The following AFAP1L1 variants were observed in gnomAD, a reference collection of about 807,000 sequenced individuals.
AFAP1L1 encodes the protein actin filament-associated protein 1-like 1.
Under a neutral mutation model 99.8 loss-of-function variants are expected in AFAP1L1, and 77 were observed. The observed-to-expected ratio is 0.77, with a 90% CI of 0.64 to 0.93. AFAP1L1 has a LOEUF of 0.93. Among genes scored for constraint, AFAP1L1 ranks in the 40% least tolerant of loss-of-function variants. The probability of loss-of-function intolerance (pLI) is 0.00; values close to 1 mark genes in which losing one functional copy is unlikely to be tolerated. For synonymous variants in AFAP1L1, 373 were observed against 395.3 expected (o/e 0.94, Z 0.67); for missense variants, 893 against 996.8 (o/e 0.90, Z 1.40).
At position 149,278,426 on chromosome 5, in the gene AFAP1L1, G is replaced by C. The variant is rs1475806040; in HGVS notation, c.16+6442G>C. Among the ~76,000 whole-genome samples the C allele has an allele frequency of 2.0e-5, 3 of 152,150 alleles. No individual in the cohort carries two copies. The East Asian group carries it at 5.8e-4, about 29-fold the overall frequency. On this transcript the variant is annotated intron_variant, in intron 1 of 18. Coordinates refer to ENST00000296721, the MANE Select transcript of AFAP1L1 (RefSeq NM_152406.4). ...ATCAAATCCCATCTCCTGGCCTGTA[G>C]CTCTGTTGATTGAGCCTCTACTCCT...
intron 1 of AFAP1L1, among the ~76,000 whole-genome samples, chr5:149,275,494 T>G (rs1329389968): frequency 6.6e-6 from 1 of 151,818 alleles, no homozygotes; most frequent in African/African-American, 2.4e-5. Flanking sequence ...TCTTCCTTCT[T>G]TCCTCTTTCT....
rs908409810 is a variant in AFAP1L1 at position 149,276,569 on chromosome 5, A to G, written c.16+4585A>G. 1.9e-4 allele frequency: 29 copies of G among 152,368 alleles called. 1 individual carries two copies. Among genetic ancestry groups the G allele is most frequent in the East Asian group, 9.6e-4 (5 of 5,186 alleles). 9.4% of individuals were successfully genotyped at this position (152,368 alleles called of 1,614,324 possible). A position where few individuals can be genotyped will look rare whatever the true frequency, so the allele number is the denominator to read the frequency against. Reference sequence around the variant, plus strand: ...CCCGCAGATGAGGATAAATTATGATACTGATAGCACCTACTTCTTGGATTT... The same window carrying G: ...CCCGCAGATGAGGATAAATTATGATGCTGATAGCACCTACTTCTTGGATTT... On this transcript the variant is annotated intron_variant, in intron 1 of 18. Coordinates refer to ENST00000296721, the MANE Select transcript of AFAP1L1 (RefSeq NM_152406.4).
intron 1 of AFAP1L1, among the ~76,000 whole-genome samples, chr5:149,288,202 A>G (rs1755743410): frequency 6.6e-6 from 1 of 152,166 alleles, no homozygotes; most frequent in South Asian, 2.1e-4. Flanking sequence ...GGTAGGAGAC[A>G]CCTATGAAAA....
intron 1 of AFAP1L1, among the ~76,000 whole-genome samples, chr5:149,297,516 C>T (rs1375595473): frequency 6.6e-6 from 1 of 152,210 alleles, no homozygotes; most frequent in African/African-American, 2.4e-5. Context: ...CAGAAAGCCC[C>T]TCCCTCAGTG....
chr5:149,290,771 T>C (rs1755826963), intron 1 of AFAP1L1, among the ~76,000 whole-genome samples: 1 of 152,206 alleles, frequency 6.6e-6, no homozygotes, highest in African/African-American at 2.4e-5. Context: ...TGAGCCACTA[T>C]AAGGCCAGAC....
In AFAP1L1 at chr5:149,342,745, C is replaced by T. The variant is rs1757592136; in HGVS notation, c.*2715C>T. On this transcript the variant is annotated 3_prime_UTR_variant, in exon 19 of 19. Coordinates refer to ENST00000296721, the MANE Select transcript of AFAP1L1 (RefSeq NM_152406.4). ...TGGCCAACATGGCAAAACCCCATCT[C>T]TATCAAAAATACAAAAGTTAGCTGG... Among the ~76,000 whole-genome samples the T allele has an allele frequency of 6.6e-6, 1 of 152,174 alleles. No homozygotes were observed. The highest frequency in any genetic ancestry group is 1.5e-5 in the Non-Finnish European group (1 of 68,040).
chr5:149,299,436 T>TG, intron 1 of AFAP1L1, 73 bp from the exon 2 acceptor site: 1 of 1,582,804 alleles, frequency 6.3e-7, no homozygotes, highest in South Asian at 1.1e-5. Context: ...CTCTAGGTGG[T>TG]GGGGGGCCGA....
chr5:149,322,592 C>G lies in AFAP1L1; in HGVS notation c.1699-14C>G, dbSNP rs775162959. On this transcript the variant is annotated splice_polypyrimidine_tract_variant and intron_variant, in intron 14 of 18. Transcript: ENST00000296721. ...CCTGCCTGAACTTGACTGTCTTCCTCCATCTCCCACCAGGACGAGGAGCCC... is the reference window on the plus strand; with the variant it reads ...CCTGCCTGAACTTGACTGTCTTCCTGCATCTCCCACCAGGACGAGGAGCCC... 2 of 1,555,734 alleles carry G rather than the reference C, an allele frequency of 1.3e-6. No individual in the cohort carries two copies. Among genetic ancestry groups the G allele is most frequent in the Non-Finnish European group, 1.7e-6 (2 of 1,147,992 alleles).
intron 1 of AFAP1L1, among the ~76,000 whole-genome samples, chr5:149,283,866 C>A (rs1755597538): frequency 6.6e-6 from 1 of 152,172 alleles, no homozygotes; most frequent in African/African-American, 2.4e-5. Context: ...TTCCTCACCT[C>A]CAGCCAGCAA....
chr5:149,311,524 G>A (rs1756630556), intron 8 of AFAP1L1, among the ~76,000 whole-genome samples: 1 of 152,228 alleles, frequency 6.6e-6, no homozygotes, highest in Non-Finnish European at 1.5e-5. Flanking sequence ...GGGATAAAAT[G>A]GGATAATCCA....
In AFAP1L1 at chr5:149,317,745, G is replaced by T. The variant is rs369066873; in HGVS notation, c.1284G>T (p.Leu428=). Residue 428 remains leucine (L), a synonymous_variant, in exon 12 of 19, where the codon CTG becomes CTT. Transcript: ENST00000296721. ...EVPCCGYLNV[L]VNQGWKERWC... Reference sequence around the variant, plus strand: ...CTCCTCCAGGCTACCTGAACGTGCTGGTGAACCAGGGCTGGAAGGAACGCT... The same window carrying T: ...CTCCTCCAGGCTACCTGAACGTGCTTGTGAACCAGGGCTGGAAGGAACGCT... The T allele has an allele frequency of 7.4e-5, 119 of 1,613,856 alleles. No individual in the cohort carries two copies. Among genetic ancestry groups the T allele is most frequent in the Non-Finnish European group, 9.6e-5 (113 of 1,179,974 alleles).
intron 5 of AFAP1L1, among the ~76,000 whole-genome samples, chr5:149,305,138 A>G (rs1322194600): frequency 1.3e-5 from 2 of 152,224 alleles, no homozygotes; most frequent in African/African-American, 4.8e-5. Context: ...CTTGTTTAGC[A>G]CATTGTGTGT....
chr5:149,271,979 G>A lies in AFAP1L1; in HGVS notation c.11G>A (p.Gly4Asp), dbSNP rs1755125631. MDRGQVLEQLLPEL... is the reference protein window; with the variant it reads MDRDQVLEQLLPEL... The stretch of plus-strand genomic sequence containing the variant: ...GACCGGGCCGGCGCCATGGACCGAG[G>A]CCAGGGTAAGAGGGGCCGCGACGCC... The change falls in exon 1 of 19, where the codon GGC becomes GAC. Residue 4 changes from glycine to aspartate, a missense_variant. Transcript: ENST00000296721. 5 of 1,238,114 alleles carry A rather than the reference G, an allele frequency of 4.0e-6. No individual in the cohort carries two copies. Among genetic ancestry groups the A allele is most frequent in the Non-Finnish European group, 5.1e-6 (5 of 988,426 alleles). 76.7% of individuals were successfully genotyped at this position (1,238,114 alleles called of 1,614,324 possible). A position where few individuals can be genotyped will look rare whatever the true frequency, so the allele number is the denominator to read the frequency against.
At chr5:149,277,916 C>G (rs1755389171) in intron 1 of AFAP1L1, among the ~76,000 whole-genome samples, 1 of 152,176 alleles carries the variant, frequency 6.6e-6, no homozygotes, top group East Asian at 1.9e-4. Flanking sequence ...TCACTGGGCA[C>G]TGCTTCCATT....
At chr5:149,295,658 G>A (rs1262247127) in intron 1 of AFAP1L1, among the ~76,000 whole-genome samples, 1 of 151,416 alleles carries the variant, frequency 6.6e-6, no homozygotes, top group Non-Finnish European at 1.5e-5. Context: ...AAGGAAGGGA[G>A]GGAGGAACAG....
chr5:149,295,289 A>G (rs987062418), intron 1 of AFAP1L1, among the ~76,000 whole-genome samples: 2 of 152,226 alleles, frequency 1.3e-5, no homozygotes, highest in African/African-American at 4.8e-5. Flanking sequence ...GTCCCATGTT[A>G]AGAATCCCAT....
chr5:149,324,749 T>G (rs1757047875), intron 15 of AFAP1L1, among the ~76,000 whole-genome samples: 1 of 152,186 alleles, frequency 6.6e-6, no homozygotes, highest in Admixed American at 6.5e-5. Context: ...GATGGCTCAC[T>G]GCATGCCTGG....
intron 15 of AFAP1L1, among the ~76,000 whole-genome samples, chr5:149,326,747 G>GTAAAT (rs1757108401): frequency 6.6e-6 from 1 of 152,036 alleles, no homozygotes. Context: ...CTGACAATTA[G>GTAAAT]TAGAGCTGGG....
intron 9 of AFAP1L1, among the ~76,000 whole-genome samples, chr5:149,315,132 A>G (rs932618680): frequency 6.6e-6 from 1 of 152,220 alleles, no homozygotes; most frequent in African/African-American, 2.4e-5. Flanking sequence ...TGGACCTTGT[A>G]TGAATGAATC....
Sources: allele counts gnomAD v4.1 joint callset (sites outside exome capture counted in the v4.1 genomes callset), GRCh38; gene constraint gnomAD v4.1.1; transcripts MANE v1.5; gene names NCBI Gene and HGNC (gene_info 2026-07-23, HGNC 2026-07-21).